The following GALNT13 variants were observed in gnomAD, a reference collection of about 807,000 sequenced individuals.
GALNT13 encodes UDP-GalNAc:polypeptide N-acetylgalactosaminyltransferase 13.
Under a neutral mutation model 64.2 loss-of-function variants are expected in GALNT13, and 28 were observed. The observed-to-expected ratio is 0.44, with a 90% CI of 0.32 to 0.60. The LOEUF (loss-of-function observed/expected upper bound fraction) is 0.60. GALNT13 is among the 20% of genes least tolerant of loss of function. GALNT13 has a pLI of 0.05. For synonymous variants in GALNT13, 214 were observed against 224.6 expected, an observed-to-expected ratio of 0.95 and a Z score of 0.42; for missense variants, 577 against 669.8, an observed-to-expected ratio of 0.86 and a Z score of 1.53.
Position 153,944,456 on chromosome 2 carries a change from T to G in GALNT13, c.-42T>G, listed in dbSNP as rs570508882. On this transcript the variant is annotated 5_prime_UTR_variant, in exon 3 of 13. Coordinates refer to ENST00000392825, the MANE Select transcript of GALNT13 (RefSeq NM_052917.4). ...GTGGCTTGGATTTATCACAGTAGCA[T>G]TTGTCTTCAATCTGTGTGTTAACTA... 6.3e-7 allele frequency: 1 copy of G among 1,592,848 alleles called. No homozygotes were observed. The highest frequency in any genetic ancestry group is 2.2e-5 in the East Asian group (1 of 44,470).
chr2:153,979,596 T>C (rs1479552838), intron 3 of GALNT13, among the ~76,000 whole-genome samples: 1 of 152,168 alleles, frequency 6.6e-6, no homozygotes, highest in Admixed American at 6.5e-5. Flanking sequence ...CATTGAAGAG[T>C]TGAGCTCTTT....
chr2:153,984,751 T>C (rs188886734), intron 3 of GALNT13, among the ~76,000 whole-genome samples: 1 of 152,054 alleles, frequency 6.6e-6, no homozygotes, highest in East Asian at 1.9e-4. Flanking sequence ...TAGCTTATTG[T>C]TCTACATATT....
At chr2:153,330,001 C>T in the GALNT13 span, among the ~76,000 whole-genome samples, 1 of 152,204 alleles carries the variant, frequency 6.6e-6, no homozygotes, top group Non-Finnish European at 1.5e-5. Context: ...ATATGGCTAG[C>T]TAGCTATCCC....
chr2:153,789,561 A>C, the GALNT13 span, among the ~76,000 whole-genome samples: 2 of 152,190 alleles, frequency 1.3e-5, no homozygotes, highest in Admixed American at 1.3e-4. Context: ...ACCAACTCCA[A>C]AGCTAACAGA....
the GALNT13 span, among the ~76,000 whole-genome samples, chr2:153,574,512 G>A: frequency 2.0e-5 from 3 of 151,966 alleles, no homozygotes; most frequent in Admixed American, 1.3e-4. Flanking sequence ...CTATTTTCTA[G>A]ATTCTGTAGG....
At chr2:154,172,598 G>A (rs190363289) in intron 4 of GALNT13, among the ~76,000 whole-genome samples, 1 of 151,780 alleles carries the variant, frequency 6.6e-6, no homozygotes, top group East Asian at 1.9e-4. Flanking sequence ...TTCCATTCAC[G>A]TTGCTGCAAA....
chr2:153,898,012 A>G (rs1317729399), intron 1 of GALNT13, among the ~76,000 whole-genome samples: 1 of 152,072 alleles, frequency 6.6e-6, no homozygotes, highest in Non-Finnish European at 1.5e-5. Flanking sequence ...ATAGTTTTTC[A>G]GAATTTTCAT....
chr2:154,141,972 A>G (rs1683282210), intron 4 of GALNT13, among the ~76,000 whole-genome samples: 1 of 152,184 alleles, frequency 6.6e-6, no homozygotes, highest in East Asian at 1.9e-4. Context: ...CAGAATTGTA[A>G]TTCTAATATA....
intron 2 of GALNT13, among the ~76,000 whole-genome samples, chr2:153,934,209 A>C (rs1304138459): frequency 6.6e-6 from 1 of 152,196 alleles, no homozygotes; most frequent in African/African-American, 2.4e-5. Flanking sequence ...CTTTATAATT[A>C]AGGTGGTAAT....
chr2:153,152,231 T>G, the GALNT13 span, among the ~76,000 whole-genome samples: 1 of 151,972 alleles, frequency 6.6e-6, no homozygotes, highest in African/African-American at 2.4e-5. Context: ...TTAAAAATGC[T>G]GATTTAGCAA....
the GALNT13 span, among the ~76,000 whole-genome samples, chr2:153,545,240 C>G: frequency 6.6e-6 from 1 of 152,100 alleles, no homozygotes; most frequent in Non-Finnish European, 1.5e-5. Flanking sequence ...TGAGATATGG[C>G]CCTTCTTCTC....
chr2:153,124,288 A>G, the GALNT13 span, among the ~76,000 whole-genome samples: 2 of 152,238 alleles, frequency 1.3e-5, no homozygotes, highest in Admixed American at 1.3e-4. Context: ...CCTGAGCCAG[A>G]GAACTCGAGC....
chr2:153,234,607 A>G, the GALNT13 span, among the ~76,000 whole-genome samples: 2 of 152,176 alleles, frequency 1.3e-5, no homozygotes, highest in African/African-American at 4.8e-5. Flanking sequence ...ATTAGTAAGC[A>G]TCTCAAGGGA....
At chr2:153,619,485 T>C in the GALNT13 span, among the ~76,000 whole-genome samples, 1 of 152,266 alleles carries the variant, frequency 6.6e-6, no homozygotes, top group Non-Finnish European at 1.5e-5. Flanking sequence ...AGTTTTTTTC[T>C]GTGTATTTAC....
chr2:153,974,839 T>G (rs1693975680), intron 3 of GALNT13, among the ~76,000 whole-genome samples: 1 of 152,036 alleles, frequency 6.6e-6, no homozygotes, highest in Non-Finnish European at 1.5e-5. Flanking sequence ...TGGAGTCATG[T>G]GTAAGGAAAA....
At chr2:153,956,381 C>G (rs547087244) in intron 3 of GALNT13, among the ~76,000 whole-genome samples, 2 of 152,120 alleles carry the variant, frequency 1.3e-5, no homozygotes, top group African/African-American at 4.8e-5. Context: ...GATATAGAGA[C>G]CATTTTCTAA....
intron 9 of GALNT13, among the ~76,000 whole-genome samples, chr2:154,353,991 C>A (rs1696566143): frequency 6.6e-6 from 1 of 152,166 alleles, no homozygotes; most frequent in African/African-American, 2.4e-5. Flanking sequence ...ATCATACTGA[C>A]TTCCATAATA....
At chr2:154,342,757 T>C (rs1574121530) in intron 9 of GALNT13, among the ~76,000 whole-genome samples, 1 of 151,990 alleles carries the variant, frequency 6.6e-6, no homozygotes, top group East Asian at 1.9e-4. Flanking sequence ...TGCCAACCAC[T>C]GGTTTATACA....
chr2:153,875,095 G>C (rs1686266343), intron 1 of GALNT13, among the ~76,000 whole-genome samples: 2 of 126,224 alleles, frequency 1.6e-5, no homozygotes, highest in Non-Finnish European at 3.3e-5. Context: ...ATAATTTATG[G>C]ATTCCCCTAC....
Sources: gnomAD v4.1 joint callset for allele counts (sites outside exome capture counted in the v4.1 genomes callset) on GRCh38, gnomAD v4.1.1 for gene constraint, MANE v1.5 for transcripts, NCBI Gene and HGNC (gene_info 2026-07-23, HGNC 2026-07-21) for gene names.